Variants in GABBR2 observed in about 807,000 individuals in gnomAD.
GABBR2 encodes G-protein coupled receptor 51.
Under a neutral mutation model 105.6 loss-of-function variants are expected in GABBR2, and 23 were observed. That is an observed-to-expected ratio of 0.22 (90% CI 0.16 to 0.31). The LOEUF (loss-of-function observed/expected upper bound fraction) is 0.31, where lower values mean the gene tolerates loss of function less well. GABBR2 is among the 10% of genes least tolerant of loss of function. The pLI is 1.00. For synonymous variants in GABBR2, 478 were observed against 499.7 expected (o/e 0.96, Z 0.58); for missense variants, 734 against 1,245.5 (o/e 0.59, Z 6.18).
At chr9:98,623,755 G>A (rs1829699680) in intron 1 of GABBR2, among the ~76,000 whole-genome samples, 1 of 152,172 alleles carries the variant, frequency 6.6e-6, no homozygotes, top group African/African-American at 2.4e-5. Context: ...AGATCCCTGT[G>A]TTACTTTCAG....
chr9:98,627,897 C>A (rs1159368395), intron 1 of GABBR2, among the ~76,000 whole-genome samples: 1 of 152,162 alleles, frequency 6.6e-6, no homozygotes, highest in Non-Finnish European at 1.5e-5. Flanking sequence ...CTCTTCAGGG[C>A]AGAGCCTGGA....
At chr9:98,578,453 A>C (rs1828951240) in intron 1 of GABBR2, among the ~76,000 whole-genome samples, 1 of 152,102 alleles carries the variant, frequency 6.6e-6, no homozygotes, top group Non-Finnish European at 1.5e-5. Flanking sequence ...AAACACACAG[A>C]AAACAACAAG....
intron 3 of GABBR2, among the ~76,000 whole-genome samples, chr9:98,509,075 C>G (rs900631715): frequency 6.6e-6 from 1 of 152,164 alleles, no homozygotes; most frequent in Non-Finnish European, 1.5e-5. Flanking sequence ...ACAAAACTTC[C>G]AGAGGAACAA....
At chr9:98,303,174 C>T in intron 16 of GABBR2, 67 bp downstream of exon 16, 3 of 1,327,484 alleles carry the variant, frequency 2.3e-6, no homozygotes, top group African/African-American at 1.5e-5. Context: ...GCCTGAGAGT[C>T]CCCGCACAGG....
chr9:98,656,874 G>T (rs1830191370), intron 1 of GABBR2, among the ~76,000 whole-genome samples: 1 of 152,208 alleles, frequency 6.6e-6, no homozygotes, highest in Non-Finnish European at 1.5e-5. Flanking sequence ...TCAGCAGCAG[G>T]GAGGTTTATT....
At chr9:98,386,636 T>C (rs975772900) in intron 10 of GABBR2, among the ~76,000 whole-genome samples, 2 of 152,106 alleles carry the variant, frequency 1.3e-5, no homozygotes, top group African/African-American at 4.8e-5. Flanking sequence ...GGCTTGTAGG[T>C]GCCTGGCCCC....
At chr9:98,689,501 T>TA (rs1304135895) in intron 1 of GABBR2, among the ~76,000 whole-genome samples, 1 of 152,196 alleles carries the variant, frequency 6.6e-6, no homozygotes, top group Non-Finnish European at 1.5e-5. Context: ...CATTTTCACT[T>TA]AGACAAGCTC....
At chr9:98,452,762 C>T (rs1218913685) in intron 7 of GABBR2, among the ~76,000 whole-genome samples, 1 of 152,114 alleles carries the variant, frequency 6.6e-6, no homozygotes, top group East Asian at 1.9e-4. Flanking sequence ...CCCCATTTCC[C>T]GGATGAGAAA....
chr9:98,442,340 A>G (rs1243987776), intron 7 of GABBR2, among the ~76,000 whole-genome samples: 1 of 152,132 alleles, frequency 6.6e-6, no homozygotes, highest in Non-Finnish European at 1.5e-5. Context: ...TGCTGATCTC[A>G]TTGGTTTATT....
At chr9:98,385,808 G>C (rs748142181) in intron 10 of GABBR2, 36 bp from the exon 11 acceptor site, 23 of 1,564,926 alleles carry the variant, frequency 1.5e-5, no homozygotes, top group Non-Finnish European at 1.9e-5. Flanking sequence ...TTAACAGAAT[G>C]GTTAATTTAG....
In GABBR2 at chr9:98,433,958, C is replaced by T. The variant is rs531978568; in HGVS notation, c.1236+20023G>A. On this transcript the variant is annotated intron_variant, in intron 7 of 18. Coordinates refer to ENST00000259455, the MANE Select transcript of GABBR2 (RefSeq NM_005458.8). Reference sequence around the variant, plus strand: ...GATTGAAGGATACAATCCTTCAATCCAATGAAGTATTGTTCCTGGGTGTGT... The same window carrying T: ...GATTGAAGGATACAATCCTTCAATCTAATGAAGTATTGTTCCTGGGTGTGT... 2.0e-5 allele frequency among the ~76,000 whole-genome samples: 3 copies of T among 151,930 alleles called. No individual in the cohort carries two copies. In the East Asian group the frequency reaches 5.8e-4, roughly 30 times the overall value.
rs745421910 is a variant in GABBR2, at chr9:98,380,986, C to T, written c.1662+4654G>A. 7.9e-5 allele frequency among the ~76,000 whole-genome samples: 12 copies of T among 152,336 alleles called. No individual in the cohort carries two copies. The South Asian group carries it at 1.0e-3, about 13-fold the overall frequency. The stretch of plus-strand genomic sequence containing the variant: ...GCAGACAGAACTGTGACTTCGGCTG[C>T]GCCATGTCTGAACCTGGTCTCATGG... On this transcript the variant is annotated intron_variant, in intron 11 of 18. Transcript: ENST00000259455.
intron 15 of GABBR2, among the ~76,000 whole-genome samples, chr9:98,303,679 G>A (rs1355194654): frequency 6.6e-6 from 1 of 152,242 alleles, no homozygotes; most frequent in Non-Finnish European, 1.5e-5. Flanking sequence ...TCCTGACCCT[G>A]ATGCCACCTG....
intron 16 of GABBR2, chr9:98,302,972 C>G: frequency 4.5e-6 from 2 of 442,328 alleles, no homozygotes; most frequent in Middle Eastern, 5.8e-4. Context: ...ACAAATCTCC[C>G]TGAGTTCCTT....
chr9:98,460,956 A>G (rs1324738347), intron 6 of GABBR2, among the ~76,000 whole-genome samples: 1 of 152,252 alleles, frequency 6.6e-6, no homozygotes, highest in Non-Finnish European at 1.5e-5. Context: ...AGCAGACTCA[A>G]TAGAAACAAT....
chr9:98,496,022 G>A (rs957801214), intron 4 of GABBR2: 1 of 197,322 alleles, frequency 5.1e-6, no homozygotes, highest in African/African-American at 2.3e-5. Context: ...TCACCGGATA[G>A]GGGTCAGGAG....
At position 98,322,053 on chromosome 9, in the gene GABBR2, A is replaced by G. The variant is rs183408382; in HGVS notation, c.1894-10848T>C. 2.6e-5 allele frequency among the ~76,000 whole-genome samples: 4 copies of G among 151,856 alleles called. No individual in the cohort carries two copies. In the East Asian group the frequency reaches 7.8e-4, roughly 30 times the overall value. On this transcript the variant is annotated intron_variant, in intron 13 of 18. Transcript: ENST00000259455. ...TTCCCCTCCCACCGCTCTCCAGCCT[A>G]GTTCTGCTGAATTGCTCCCCCATCA...
intron 7 of GABBR2, 110 bp from the exon 8 acceptor site, chr9:98,406,251 A>G (rs1281775048): frequency 1.7e-6 from 1 of 588,290 alleles, no homozygotes; most frequent in African/African-American, 2.0e-5. Flanking sequence ...GATTATTAAT[A>G]CTGGAGGAAA....
chr9:98,487,979 G>A (rs1483637968), intron 4 of GABBR2, among the ~76,000 whole-genome samples: 2 of 152,148 alleles, frequency 1.3e-5, no homozygotes, highest in African/African-American at 4.8e-5. Flanking sequence ...GTATTCACAA[G>A]GTCCTTAAAC....
Sources: allele counts gnomAD v4.1 joint callset (sites outside exome capture counted in the v4.1 genomes callset), GRCh38; gene constraint gnomAD v4.1.1; transcripts MANE v1.5; gene names NCBI Gene and HGNC (gene_info 2026-07-23, HGNC 2026-07-21).